Variants in CPSF3 observed in about 807,000 individuals in gnomAD.
The protein encoded by CPSF3 is cleavage and polyadenylation specific factor 3, also known as cleavage and polyadenylation specificity factor subunit 3.
In CPSF3, 57 loss-of-function variants were observed where a neutral mutation model predicts 84.1. The ratio of observed to expected loss-of-function variants is 0.68; its 90% confidence interval spans 0.55 to 0.85. The LOEUF (loss-of-function observed/expected upper bound fraction) is 0.85. CPSF3 is among the 40% of genes least tolerant of loss of function. The pLI is 0.00. For synonymous variants in CPSF3, 275 were observed against 278.1 expected (o/e 0.99, Z 0.11); for missense variants, 522 against 838.8 (o/e 0.62, Z 4.66).
chr2:9,469,204 T>C (rs1255428695), intron 16 of CPSF3, among the ~76,000 whole-genome samples: 1 of 152,082 alleles, frequency 6.6e-6, no homozygotes, highest in Admixed American at 6.5e-5. Flanking sequence ...GAAGTCTGAG[T>C]ATCTTAATCA....
At chr2:9,465,450 A>T (rs1681868357) in intron 15 of CPSF3, among the ~76,000 whole-genome samples, 2 of 152,106 alleles carry the variant, frequency 1.3e-5, no homozygotes, top group East Asian at 1.9e-4. Context: ...TTTCTAAGGG[A>T]AAAAAAGAAG....
At chr2:9,424,129 T>C in intron 1 of CPSF3, 1 of 1,128,374 alleles carries the variant, frequency 8.9e-7, no homozygotes, top group Non-Finnish European at 1.1e-6. Context: ...CGTTTTCACT[T>C]AGCACAAGCA....
chr2:9,466,246 ACG>A (rs879366083), intron 15 of CPSF3, among the ~76,000 whole-genome samples: 25,618 of 146,852 alleles, frequency 0.17, 2,225 homozygotes, highest in Middle Eastern at 0.28. Context: ...GCGCGCACGC[ACG>A]CGCACACACG....
chr2:9,466,217 C>T (rs538706808), intron 15 of CPSF3, among the ~76,000 whole-genome samples: 57 of 150,694 alleles, frequency 3.8e-4, no homozygotes, highest in African/African-American at 1.3e-3. Flanking sequence ...CGCGCACACA[C>T]GCACGCACAC....
intron 2 of CPSF3, among the ~76,000 whole-genome samples, chr2:9,429,063 AC>A (rs1359659003): frequency 5.4e-4 from 83 of 152,324 alleles, no homozygotes; most frequent in African/African-American, 1.9e-3. Context: ...TTGAACTGTT[AC>A]CTCTTCAAAG....
In CPSF3 at chr2:9,424,079, T is replaced by C. The variant is rs1318030653; in HGVS notation, c.50+256T>C. 3.3e-6 allele frequency: 4 copies of C among 1,206,076 alleles called. No individual in the cohort carries two copies. In the East Asian group the frequency reaches 1.1e-4, roughly 33 times the overall value. The allele number at this position is 1,206,076 out of a possible 1,614,324, so 74.7% of individuals were successfully genotyped here. A position where few individuals can be genotyped will look rare whatever the true frequency, so the allele number is the denominator to read the frequency against. ...TATGTTGGAGTCGGAAAAAAAAAAG[T>C]TTTACGGGGCCACCGCTCGCTTTCG... On this transcript the variant is annotated intron_variant, in intron 1 of 17. Coordinates refer to ENST00000238112, the MANE Select transcript of CPSF3 (RefSeq NM_016207.4).
At chr2:9,447,391 A>G (rs960543411) in intron 10 of CPSF3, among the ~76,000 whole-genome samples, 10 of 151,932 alleles carry the variant, frequency 6.6e-5, no homozygotes, top group Admixed American at 6.6e-4. Flanking sequence ...AGGCAGGAGG[A>G]TTGCTTGATC....
At chr2:9,441,472 T>G (rs1429733484) in intron 8 of CPSF3, among the ~76,000 whole-genome samples, 1 of 152,196 alleles carries the variant, frequency 6.6e-6, no homozygotes, top group Non-Finnish European at 1.5e-5. Context: ...TTTTTCAGAG[T>G]TGTGTCTTGG....
intron 11 of CPSF3, among the ~76,000 whole-genome samples, chr2:9,451,986 G>A (rs1558459511): frequency 6.6e-6 from 1 of 152,090 alleles, no homozygotes; most frequent in Non-Finnish European, 1.5e-5. Flanking sequence ...AAAATGCTGG[G>A]ATTATGGGCG....
At chr2:9,448,704 G>A (rs547164645) in intron 11 of CPSF3, among the ~76,000 whole-genome samples, 12 of 152,166 alleles carry the variant, frequency 7.9e-5, no homozygotes, top group African/African-American at 1.7e-4. Context: ...TTACAGGTGC[G>A]CGCCACCACG....
chr2:9,452,894 AAG>A lies in CPSF3; in HGVS notation c.1396-18_1396-17del. The A allele has an allele frequency of 2.6e-6, 4 of 1,534,956 alleles. No homozygotes were observed. The highest frequency in any genetic ancestry group is 3.5e-6 in the Non-Finnish European group (4 of 1,129,132). On this transcript the variant is annotated splice_polypyrimidine_tract_variant and intron_variant, in intron 11 of 17. Transcript: ENST00000238112. ...CATTTTACCAGGTTCTATTTTCTTC[AAG>A]TATTTTTTTTTTACAGGTTATGGGA... is the stretch of plus-strand genomic sequence containing the variant.
intron 11 of CPSF3, 50 bp from the exon 12 acceptor site, chr2:9,452,863 A>G: frequency 8.0e-7 from 1 of 1,257,606 alleles, no homozygotes; most frequent in Non-Finnish European, 1.1e-6. Flanking sequence ...ATTACCTGAA[A>G]AACTGCATTT....
At chr2:9,438,305 A>C (rs1680855372) in intron 7 of CPSF3, among the ~76,000 whole-genome samples, 1 of 152,160 alleles carries the variant, frequency 6.6e-6, no homozygotes, top group African/African-American at 2.4e-5. Context: ...TCGTCCTTAG[A>C]AGTCTTGAAA....
At chr2:9,448,660 G>C (rs1681207216) in intron 11 of CPSF3, among the ~76,000 whole-genome samples, 1 of 152,062 alleles carries the variant, frequency 6.6e-6, no homozygotes, top group Non-Finnish European at 1.5e-5. Flanking sequence ...GGGTTCCAGC[G>C]ATTCTCCTGC....
rs553907345 is a variant in CPSF3, at chr2:9,442,390, G to A, written c.1095+414G>A. 8.5e-5 allele frequency among the ~76,000 whole-genome samples: 13 copies of A among 152,334 alleles called. 1 individual carries two copies. The South Asian group carries it at 2.7e-3, about 32-fold the overall frequency. ...ACATTGATTTTCAGCTCTTAGGGAT[G>A]TAGAAATTGTAGAAAATATATGCAG... On this transcript the variant is annotated intron_variant, in intron 9 of 17. Transcript: ENST00000238112.
Position 9,472,935 on chromosome 2 carries a change from G to A in CPSF3, c.1973G>A (p.Gly658Glu), listed in dbSNP as rs962951184. ...LETRTVECEE[G>E]SEDDESLREM... ...TTTCAGACTGTAGAATGTGAAGAGG[G>A]AAGTGAAGACGATGAATCCCTCCGA... Residue 658 changes from glycine to glutamate, a missense_variant, in exon 18 of 18, where the codon GGA becomes GAA. By Grantham distance (98) the Gly-to-Glu change is moderately conservative. Around this residue, in one of 2 missense-constraint regions of CPSF3, gnomAD observed 193 missense variants for 231.6 expected, o/e 0.83. Coordinates refer to ENST00000238112, the MANE Select transcript of CPSF3 (RefSeq NM_016207.4). 6 of 1,613,204 alleles carry A rather than the reference G, an allele frequency of 3.7e-6. No individual in the cohort carries two copies. The highest frequency in any genetic ancestry group is 5.1e-6 in the Non-Finnish European group (6 of 1,179,282).
intron 8 of CPSF3, among the ~76,000 whole-genome samples, chr2:9,440,905 C>T (rs1680943225): frequency 1.3e-5 from 2 of 152,212 alleles, no homozygotes; most frequent in South Asian, 4.1e-4. Context: ...TGGCTGAATT[C>T]CTCTTGCTGG....
intron 2 of CPSF3, 64 bp from the exon 3 acceptor site, chr2:9,429,859 A>G: frequency 9.0e-7 from 1 of 1,111,460 alleles, no homozygotes. Flanking sequence ...ATTATTGCCT[A>G]TTTGCCGAAT....
chr2:9,430,590 CATT>C (rs1428198390), intron 3 of CPSF3, among the ~76,000 whole-genome samples, 159 bp from the exon 4 acceptor site: 10 of 152,164 alleles, frequency 6.6e-5, no homozygotes, highest in Middle Eastern at 3.2e-3. Flanking sequence ...GAACTGTATG[CATT>C]ACTTCTTCCT....
Sources: gnomAD v4.1 joint callset for allele counts (sites outside exome capture counted in the v4.1 genomes callset) on GRCh38, gnomAD v4.1.1 for gene constraint, gnomAD v4.1.1 regional missense constraint, MANE v1.5 for transcripts, NCBI Gene and HGNC (gene_info 2026-07-23, HGNC 2026-07-21) for gene names.